The following CAMTA1 variants were observed in gnomAD, a reference collection of about 807,000 sequenced individuals.
CAMTA1 encodes the protein calmodulin-binding transcription activator 1.
A neutral mutation model predicts 170.9 loss-of-function variants in CAMTA1; 27 were observed. That is an observed-to-expected ratio of 0.16 (90% CI 0.12 to 0.22). The LOEUF (loss-of-function observed/expected upper bound fraction) is 0.22. CAMTA1 is among the 10% of genes least tolerant of loss of function. CAMTA1 has a pLI of 1.00. For synonymous variants in CAMTA1, 833 were observed against 891.5 expected (o/e 0.93, Z 1.17); for missense variants, 1,619 against 2,217.2 (o/e 0.73, Z 5.42).
chr1:7,170,990 A>G (rs1558199097), intron 4 of CAMTA1, among the ~76,000 whole-genome samples: 2 of 151,944 alleles, frequency 1.3e-5, no homozygotes, highest in Admixed American at 6.6e-5. Flanking sequence ...ATGTTATTCA[A>G]ATTTTCCTTA....
At chr1:7,108,535 G>A (rs537408007) in intron 4 of CAMTA1, among the ~76,000 whole-genome samples, 4 of 152,074 alleles carry the variant, frequency 2.6e-5, no homozygotes, top group African/African-American at 9.7e-5. Flanking sequence ...TACCAGAAAC[G>A]ATTCAACAAT....
Position 7,592,366 on chromosome 1 carries a change from G to A in CAMTA1, c.511-48034G>A, listed in dbSNP as rs879815681. ...TCTCTCGCCAGTGCGCCTCCCCTGC[G>A]GCACATTCGGTAGGCTGGGGGTCTG... On this transcript the variant is annotated intron_variant, in intron 6 of 22. Transcript: ENST00000303635. This position sits in a 1 kb window ranked among gnomAD's most constrained non-coding sequence, Gnocchi z 4.6. Among the ~76,000 whole-genome samples the A allele has an allele frequency of 5.3e-5, 8 of 152,186 alleles. No individual in the cohort carries two copies. The highest frequency in any genetic ancestry group is 1.2e-4 in the African/African-American group (5 of 41,448).
intron 3 of CAMTA1, among the ~76,000 whole-genome samples, chr1:6,840,060 C>A (rs755558318): frequency 6.6e-6 from 1 of 152,072 alleles, no homozygotes; most frequent in South Asian, 2.1e-4. Context: ...ATTAGCCGGG[C>A]GTGGTGGCAC....
rs1198589196 is a variant in CAMTA1, at chr1:7,592,332, G to A, written c.511-48068G>A. Among the ~76,000 whole-genome samples the A allele has an allele frequency of 1.3e-5, 2 of 152,152 alleles. No individual in the cohort carries two copies. The highest frequency in any genetic ancestry group is 2.9e-5 in the Non-Finnish European group (2 of 68,028). ...ACCGGACTGGCAGCAGACAGCATCT[G>A]GTCACATCTCTCTCGCCAGTGCGCC... On this transcript the variant is annotated intron_variant, in intron 6 of 22. Transcript: ENST00000303635. The surrounding 1 kb of genome is among the most constrained non-coding windows in gnomAD (Gnocchi z 4.6).
intron 3 of CAMTA1, among the ~76,000 whole-genome samples, chr1:7,045,483 A>AC (rs1470212244): frequency 1.3e-5 from 2 of 152,030 alleles, no homozygotes; most frequent in South Asian, 4.2e-4. Context: ...ATTAATTTGT[A>AC]CCCCCCAGCA....
At chr1:7,177,523 C>A (rs1419396275) in intron 4 of CAMTA1, among the ~76,000 whole-genome samples, 2 of 138,282 alleles carry the variant, frequency 1.4e-5, no homozygotes, top group Non-Finnish European at 3.1e-5. Flanking sequence ...CTCCCACACA[C>A]AAGTCCCTCC....
intron 3 of CAMTA1, among the ~76,000 whole-genome samples, chr1:6,950,076 C>T (rs1237555449): frequency 1.3e-5 from 2 of 152,246 alleles, no homozygotes; most frequent in Non-Finnish European, 2.9e-5. Flanking sequence ...GCCTTTCTCT[C>T]TGCTGGCCCT....
chr1:7,191,059 G>C (rs1654425314), intron 4 of CAMTA1, among the ~76,000 whole-genome samples: 1 of 152,302 alleles, frequency 6.6e-6, no homozygotes, highest in Admixed American at 6.5e-5. Flanking sequence ...GGTTGTGTTT[G>C]TAAGATTCAA....
In CAMTA1 at chr1:6,934,547, T is replaced by C. The variant is rs1684978042; in HGVS notation, c.234+109337T>C. Among the ~76,000 whole-genome samples, 1 of 152,132 alleles carries C rather than the reference T, an allele frequency of 6.6e-6. No homozygotes were observed. The highest frequency in any genetic ancestry group is 1.5e-5 in the Non-Finnish European group (1 of 68,008). On this transcript the variant is annotated intron_variant, in intron 3 of 22. Transcript: ENST00000303635. The surrounding 1 kb of genome is among the most constrained non-coding windows in gnomAD (Gnocchi z 4.5). Reference sequence around the variant, plus strand: ...GGAACTTGGCCACTGTGGACCCGCTTGGGCTAGCTGCGTGTCTCTGTGTGT... The same window carrying C: ...GGAACTTGGCCACTGTGGACCCGCTCGGGCTAGCTGCGTGTCTCTGTGTGT...
At chr1:7,094,305 T>G (rs1253953722) in intron 4 of CAMTA1, among the ~76,000 whole-genome samples, 2 of 135,384 alleles carry the variant, frequency 1.5e-5, no homozygotes, top group African/African-American at 5.4e-5. Flanking sequence ...TGCAGTTAAC[T>G]GCTGAGTTCA....
At position 7,310,936 on chromosome 1, in the gene CAMTA1, G is replaced by A. The variant is rs192812202; in HGVS notation, c.438+61310G>A. Among the ~76,000 whole-genome samples, 333 of 152,018 alleles carry A rather than the reference G, an allele frequency of 2.2e-3. 1 individual carries two copies. Among genetic ancestry groups the A allele is most frequent in the African/African-American group, 7.6e-3 (314 of 41,426 alleles). ...AGTAGAGATGGGGTTTTGCCATGTT[G>A]GCCAGGCTGATCTCAAACTCCTGGG... On this transcript the variant is annotated intron_variant, in intron 5 of 22. Transcript: ENST00000303635.
intron 4 of CAMTA1, among the ~76,000 whole-genome samples, chr1:7,140,394 G>A (rs145832487): frequency 2.2e-3 from 334 of 152,286 alleles, no homozygotes; most frequent in Non-Finnish European, 3.4e-3. Context: ...TGTCTCCAGA[G>A]TAAGTAGCTC....
chr1:7,329,180 CA>C (rs2082873124), intron 5 of CAMTA1, among the ~76,000 whole-genome samples: 2 of 145,108 alleles, frequency 1.4e-5, no homozygotes, highest in South Asian at 4.3e-4. Context: ...GTTGAAGTAA[CA>C]TCTTGAAAAA....
chr1:7,645,012 A>G lies in CAMTA1; in HGVS notation c.664+4459A>G, dbSNP rs374251863. ...GTACGCAAGTGATCTAAAGCTTAGT[A>G]TGTCTCATCCTGGAAATTCCAGGGT... On this transcript the variant is annotated intron_variant, in intron 7 of 22. Transcript: ENST00000303635. 3.3e-5 allele frequency among the ~76,000 whole-genome samples: 5 copies of G among 152,192 alleles called. No individual in the cohort carries two copies. The East Asian group carries it at 9.6e-4, about 29-fold the overall frequency.
At chr1:7,128,041 G>A (rs1645033416) in intron 4 of CAMTA1, among the ~76,000 whole-genome samples, 1 of 152,224 alleles carries the variant, frequency 6.6e-6, no homozygotes, top group Non-Finnish European at 1.5e-5. Flanking sequence ...TATGTGCTAA[G>A]CAGAGGATGC....
At chr1:7,035,503 A>C (rs1374169392) in intron 3 of CAMTA1, among the ~76,000 whole-genome samples, 1 of 152,238 alleles carries the variant, frequency 6.6e-6, no homozygotes, top group Admixed American at 6.5e-5. Flanking sequence ...AGCACATGGC[A>C]ATGAAGAATA....
chr1:6,997,066 TAC>T (rs1697373828), intron 3 of CAMTA1, among the ~76,000 whole-genome samples: 1 of 152,230 alleles, frequency 6.6e-6, no homozygotes, highest in African/African-American at 2.4e-5. Flanking sequence ...ATTCTTATGT[TAC>T]AGTCTTACGT....
intron 12 of CAMTA1, among the ~76,000 whole-genome samples, chr1:7,733,442 TC>T (rs1055855131): frequency 1.3e-4 from 20 of 152,218 alleles, no homozygotes; most frequent in Admixed American, 1.2e-3. Flanking sequence ...CATTACAGCC[TC>T]TTTCACAAAC....
chr1:7,717,227 T>C lies in CAMTA1; in HGVS notation c.2915-15221T>C, dbSNP rs2096616929. On this transcript the variant is annotated intron_variant, in intron 11 of 22. Transcript: ENST00000303635. ...GCCTGGTGACTCGAGTTCATCATGA[T>C]ATATTCCTGAACATTGCTAAGAGGG... Among the ~76,000 whole-genome samples, 2 of 152,150 alleles carry C rather than the reference T, an allele frequency of 1.3e-5. 1 individual carries two copies. Among genetic ancestry groups the C allele is most frequent in the South Asian group, 4.1e-4 (2 of 4,820 alleles).
Sources: gnomAD v4.1 joint callset for allele counts (sites outside exome capture counted in the v4.1 genomes callset) on GRCh38, gnomAD v4.1.1 for gene constraint, Gnocchi (gnomAD v3.1) non-coding constraint, MANE v1.5 for transcripts, NCBI Gene and HGNC (gene_info 2026-07-23, HGNC 2026-07-21) for gene names.